SLC11A2: variants seen among roughly 807,000 people sequenced by gnomAD.
SLC11A2 encodes solute carrier family 11 member 2.
Under a neutral mutation model 68.0 loss-of-function variants are expected in SLC11A2, and 38 were observed. That is an observed-to-expected ratio of 0.56 (90% CI 0.43 to 0.73). SLC11A2 has a LOEUF of 0.73. SLC11A2 is among the 30% of genes least tolerant of loss of function. The pLI, the probability that SLC11A2 is intolerant of heterozygous loss-of-function variation, is 0.00. For missense variants in SLC11A2, 517 were observed against 690.5 expected (o/e 0.75, Z 2.82); for synonymous variants, 242 against 250.6 (o/e 0.97, Z 0.32).
intron 1 of SLC11A2, among the ~76,000 whole-genome samples, chr12:51,021,173 G>T (rs1322769404): frequency 1.3e-5 from 2 of 152,176 alleles, no homozygotes; most frequent in African/African-American, 4.8e-5. Flanking sequence ...TAAGTTAAAT[G>T]CAAATACTAC....
At chr12:50,964,608 T>C in the SLC11A2 span, among the ~76,000 whole-genome samples, 1 of 152,204 alleles carries the variant, frequency 6.6e-6, no homozygotes, top group African/African-American at 2.4e-5. Flanking sequence ...ACAGCCCTGA[T>C]ATTAGGCAGT....
At position 51,022,997 on chromosome 12, in the gene SLC11A2, T is replaced by A. The variant is rs1272883340; in HGVS notation, c.-39+3313A>T. On this transcript the variant is annotated intron_variant, in intron 1 of 15. Transcript: ENST00000262052. The stretch of plus-strand genomic sequence containing the variant: ...TGATCATTGCTGGCCAATTGTTTTA[T>A]ATTCCATTATGATTTCATTAAAATA... Among the ~76,000 whole-genome samples the A allele has an allele frequency of 7.2e-5, 11 of 152,378 alleles. No individual in the cohort carries two copies. In the East Asian group the frequency reaches 2.1e-3, roughly 29 times the overall value.
At chr12:51,028,272 AT>A, upstream of SLC11A2, 1 of 1,467,890 alleles carries the variant, frequency 6.8e-7, no homozygotes, top group South Asian at 1.2e-5. Flanking sequence ...CTGCCTCTAT[AT>A]ATGAAGACAA....
At chr12:50,965,111 GTTTT>G in the SLC11A2 span, among the ~76,000 whole-genome samples, 3 of 151,736 alleles carry the variant, frequency 2.0e-5, no homozygotes, top group East Asian at 3.9e-4. Flanking sequence ...ATGTTTGTGG[GTTTT>G]TTTGTTTTTG....
At chr12:51,010,793 G>C in intron 1 of SLC11A2, 27 bp from the exon 2 acceptor site, 5 of 1,300,898 alleles carry the variant, frequency 3.8e-6, no homozygotes, top group Non-Finnish European at 5.5e-6. Context: ...TGAGGGAGAA[G>C]AATTAGGAAG....
chr12:50,970,637 T>C, the SLC11A2 span: 1 of 617,132 alleles, frequency 1.6e-6, no homozygotes, highest in Non-Finnish European at 2.8e-6. Flanking sequence ...GTATTTCAAG[T>C]CTCAGTGTTT....
chr12:51,013,983 A>G (rs968417049), intron 1 of SLC11A2, among the ~76,000 whole-genome samples: 2 of 151,802 alleles, frequency 1.3e-5, no homozygotes, highest in African/African-American at 4.8e-5. Flanking sequence ...CACCACACCC[A>G]GCTAATTTTT....
At chr12:51,021,545 T>C (rs188735888) in intron 1 of SLC11A2, among the ~76,000 whole-genome samples, 2 of 151,820 alleles carry the variant, frequency 1.3e-5, no homozygotes, top group African/African-American at 4.8e-5. Flanking sequence ...GAGAATCGCT[T>C]GAGCCTGGGA....
At chr12:51,015,154 C>T (rs1422414679) in intron 1 of SLC11A2, among the ~76,000 whole-genome samples, 2 of 122,544 alleles carry the variant, frequency 1.6e-5, no homozygotes, top group Admixed American at 9.4e-5. Flanking sequence ...AGCAAGACTC[C>T]GTCTCATTAA....
intron 5 of SLC11A2, among the ~76,000 whole-genome samples, chr12:51,004,536 G>A (rs532073818): frequency 5.3e-4 from 81 of 152,308 alleles, no homozygotes; most frequent in African/African-American, 1.9e-3. Context: ...GGAAGCCAGA[G>A]TGAATGGTAA....
chr12:51,022,978 T>C (rs1309835958), intron 1 of SLC11A2, among the ~76,000 whole-genome samples: 1 of 152,256 alleles, frequency 6.6e-6, no homozygotes, highest in Non-Finnish European at 1.5e-5. Flanking sequence ...ATTTTGATCA[T>C]TGCTGGCCAA....
At chr12:51,027,368 C>T (rs1944435001), upstream of SLC11A2, among the ~76,000 whole-genome samples, 1 of 151,954 alleles carries the variant, frequency 6.6e-6, no homozygotes, top group Non-Finnish European at 1.5e-5. Context: ...CTGGAAGGAA[C>T]ATTTCCTCGC....
At chr12:51,019,887 C>A (rs1212580887) in intron 1 of SLC11A2, among the ~76,000 whole-genome samples, 1 of 151,944 alleles carries the variant, frequency 6.6e-6, no homozygotes, top group African/African-American at 2.4e-5. Flanking sequence ...TCAAAGGATC[C>A]ATCCACCTCA....
downstream of SLC11A2, among the ~76,000 whole-genome samples, chr12:50,984,175 A>G (rs1940325174): frequency 1.3e-5 from 2 of 151,964 alleles, no homozygotes; most frequent in Non-Finnish European, 2.9e-5. Context: ...ATACTATCTC[A>G]TGTGAGTCTT....
intron 11 of SLC11A2, among the ~76,000 whole-genome samples, chr12:50,993,916 A>T: frequency 7.0e-6 from 1 of 142,058 alleles, no homozygotes; most frequent in South Asian, 2.4e-4. Context: ...CACTTGGACC[A>T]GGTAGGTGGA....
upstream of SLC11A2, chr12:51,028,189 G>A (rs975818881): frequency 6.5e-7 from 1 of 1,535,194 alleles, no homozygotes; most frequent in Non-Finnish European, 8.7e-7. Context: ...AGTTCACAGT[G>A]TGGAGCTGCC....
At chr12:51,017,333 T>C (rs1057229509) in intron 1 of SLC11A2, among the ~76,000 whole-genome samples, 1 of 152,226 alleles carries the variant, frequency 6.6e-6, no homozygotes, top group African/African-American at 2.4e-5. Flanking sequence ...ATAGATAGGA[T>C]ACAATCTCTA....
intron 8 of SLC11A2, among the ~76,000 whole-genome samples, chr12:50,998,016 A>C (rs1294112922): frequency 6.6e-6 from 1 of 151,634 alleles, no homozygotes; most frequent in African/African-American, 2.4e-5. Context: ...AAAAAAGAAA[A>C]AGCTGCTAAG....
At chr12:50,998,168 G>A (rs1164921532) in intron 8 of SLC11A2, among the ~76,000 whole-genome samples, 1 of 151,704 alleles carries the variant, frequency 6.6e-6, no homozygotes, top group Non-Finnish European at 1.5e-5. Flanking sequence ...GACCAGCCTG[G>A]CCAACATAGA....
Sources: gnomAD v4.1 joint callset for allele counts (sites outside exome capture counted in the v4.1 genomes callset) on GRCh38, gnomAD v4.1.1 for gene constraint, MANE v1.5 for transcripts, NCBI Gene and HGNC (gene_info 2026-07-23, HGNC 2026-07-21) for gene names.